The following SLC9C1 variants were observed in gnomAD, a reference collection of about 807,000 sequenced individuals.
SLC9C1 encodes solute carrier family 9 member C1, also known as sodium/hydrogen exchanger 10.
Under a neutral mutation model 140.9 loss-of-function variants are expected in SLC9C1, and 97 were observed. The observed-to-expected ratio is 0.69, with a 90% CI of 0.58 to 0.82. The LOEUF is 0.82. Ranked by LOEUF, SLC9C1 falls within the 40% of genes least tolerant of loss-of-function variation. The pLI is 0.00. For synonymous variants in SLC9C1, 440 were observed against 442.6 expected (o/e 0.99, Z 0.07); for missense variants, 1,340 against 1,389.3 (o/e 0.96, Z 0.56).
At chr3:112,276,632 A>T (rs1480973723) in intron 5 of SLC9C1, among the ~76,000 whole-genome samples, 3 of 152,080 alleles carry the variant, frequency 2.0e-5, no homozygotes, top group Non-Finnish European at 2.9e-5. Context: ...GCAGCAGGAT[A>T]GAAAATCAGT....
At chr3:112,262,474 G>A (rs1199818062) in intron 10 of SLC9C1, among the ~76,000 whole-genome samples, 1 of 151,830 alleles carries the variant, frequency 6.6e-6, no homozygotes, top group African/African-American at 2.4e-5. Flanking sequence ...CAGACACATG[G>A]TAGAAGGAGA....
chr3:112,206,745 AG>A (rs2078062125), intron 16 of SLC9C1, among the ~76,000 whole-genome samples: 1 of 151,888 alleles, frequency 6.6e-6, no homozygotes, highest in Admixed American at 6.6e-5. Flanking sequence ...TCACAAGGAC[AG>A]AAAACCAAAC....
At chr3:112,161,599 C>A (rs1215429127) in intron 26 of SLC9C1, among the ~76,000 whole-genome samples, 1 of 152,018 alleles carries the variant, frequency 6.6e-6, no homozygotes, top group Admixed American at 6.6e-5. Flanking sequence ...GGCGTTATTT[C>A]TGAGGGCTCT....
chr3:112,165,050 C>A (rs1404536110), intron 26 of SLC9C1, among the ~76,000 whole-genome samples: 1 of 152,240 alleles, frequency 6.6e-6, no homozygotes, highest in African/African-American at 2.4e-5. Flanking sequence ...ATCCTTTCTT[C>A]CAGTTGATCA....
chr3:112,213,216 T>C (rs574674012), intron 15 of SLC9C1, among the ~76,000 whole-genome samples: 6 of 151,968 alleles, frequency 3.9e-5, no homozygotes, highest in Admixed American at 2.0e-4. Flanking sequence ...GTACTAAACA[T>C]GGAAAGGAAC....
In SLC9C1 at chr3:112,199,461, C is replaced by CT; in HGVS notation, c.2382dup (p.Glu795ArgfsTer3). 2 of 1,560,958 alleles carry CT rather than the reference C, an allele frequency of 1.3e-6. No individual in the cohort carries two copies. The highest frequency in any genetic ancestry group is 1.7e-6 in the Non-Finnish European group (2 of 1,161,484). ...ACAGCAATTTCTGGGTGATCATACTCTAAGTAGCCTAAAAAATAACAAAAT... is the reference window on the plus strand; with the variant it reads ...ACAGCAATTTCTGGGTGATCATACTCTTAAGTAGCCTAAAAAATAACAAAAT... On this transcript the variant is annotated frameshift_variant, in exon 20 of 29. Coordinates refer to ENST00000305815, the MANE Select transcript of SLC9C1 (RefSeq NM_183061.3). LOFTEE classifies it high-confidence loss of function.
At chr3:112,160,936 T>C (rs2075278702) in intron 26 of SLC9C1, among the ~76,000 whole-genome samples, 1 of 152,110 alleles carries the variant, frequency 6.6e-6, no homozygotes. Flanking sequence ...CACCTGTTGT[T>C]TCCTGACTTT....
intron 12 of SLC9C1, 31 bp from the exon 13 acceptor site, chr3:112,231,517 A>C: frequency 6.4e-7 from 1 of 1,564,024 alleles, no homozygotes; most frequent in Non-Finnish European, 8.7e-7. Context: ...AGAACAAAAA[A>C]TACATGAATA....
chr3:112,270,780 C>A (rs940969243), intron 6 of SLC9C1, among the ~76,000 whole-genome samples: 3 of 152,172 alleles, frequency 2.0e-5, no homozygotes, highest in African/African-American at 7.2e-5. Flanking sequence ...CACACCACTG[C>A]ACTCCAGCCT....
At chr3:112,199,135 A>G (rs937404045) in intron 20 of SLC9C1, among the ~76,000 whole-genome samples, 186 bp downstream of exon 20, 1 of 151,592 alleles carries the variant, frequency 6.6e-6, no homozygotes, top group Non-Finnish European at 1.5e-5. Flanking sequence ...AAATAAAAAG[A>G]GAAGCTGACC....
chr3:112,151,242 C>T, intron 28 of SLC9C1: 2 of 467,282 alleles, frequency 4.3e-6, no homozygotes, highest in South Asian at 3.3e-5. Flanking sequence ...AAAGCATACA[C>T]ACACAAATAT....
chr3:112,168,723 G>C (rs990642217), intron 25 of SLC9C1, among the ~76,000 whole-genome samples, 154 bp downstream of exon 25: 5 of 152,180 alleles, frequency 3.3e-5, no homozygotes, highest in African/African-American at 1.2e-4. Context: ...TGTGGGTGTG[G>C]TTGTGGGTAT....
chr3:112,161,508 C>A (rs1047806333), intron 26 of SLC9C1, among the ~76,000 whole-genome samples: 1 of 152,198 alleles, frequency 6.6e-6, no homozygotes, highest in East Asian at 1.9e-4. Context: ...GTTTTCCCAG[C>A]ACCATTTATT....
intron 8 of SLC9C1, among the ~76,000 whole-genome samples, chr3:112,264,687 A>G (rs1019477802): frequency 2.6e-5 from 4 of 152,024 alleles, no homozygotes; most frequent in African/African-American, 4.8e-5. Flanking sequence ...CTTCTATGTT[A>G]AAGAGTTAAC....
Position 112,239,875 on chromosome 3 carries a change from T to C in SLC9C1, c.1411A>G (p.Ile471Val), listed in dbSNP as rs1560111424. The C allele has an allele frequency of 4.3e-6, 7 of 1,613,400 alleles. No homozygotes were observed. The highest frequency in any genetic ancestry group is 5.9e-6 in the Non-Finnish European group (7 of 1,179,876). Residue 471 changes from isoleucine to valine, a missense_variant, in exon 12 of 29, where the codon ATT (isoleucine) becomes GTT (valine). Physicochemically the swap from Ile to Val is conservative, Grantham distance 29 (BLOSUM62 3). Transcript: ENST00000305815. ...TTTTCAAGTGTAATTGCTTTCTCAA[T>C]CATGTTCCAATCAGCATTAGCAAGA... Reference protein sequence around the residue: ...KDLANADWNMIEKAITLENPY... With the variant: ...KDLANADWNMVEKAITLENPY...
chr3:112,144,324 C>T (rs572415714), intron 28 of SLC9C1, among the ~76,000 whole-genome samples: 1 of 151,816 alleles, frequency 6.6e-6, no homozygotes, highest in African/African-American at 2.4e-5. Flanking sequence ...ATTACAGGTA[C>T]CCACCATCAA....
At chr3:112,163,856 A>G (rs1041972677) in intron 26 of SLC9C1, among the ~76,000 whole-genome samples, 2 of 151,646 alleles carry the variant, frequency 1.3e-5, no homozygotes, top group Admixed American at 6.6e-5. Context: ...TGATCTGTCT[A>G]ATGTTGACAG....
intron 12 of SLC9C1, among the ~76,000 whole-genome samples, chr3:112,236,430 T>A (rs2078988576): frequency 6.6e-6 from 1 of 152,218 alleles, no homozygotes; most frequent in African/African-American, 2.4e-5. Flanking sequence ...GCTCCTGGAT[T>A]CATTGATTTT....
rs2079823454 is a variant in SLC9C1 at position 112,263,106 on chromosome 3, A to G, written c.1023-8T>C. 6.4e-7 allele frequency: 1 copy of G among 1,558,492 alleles called. No individual in the cohort carries two copies. Among genetic ancestry groups the G allele is most frequent in the Admixed American group, 2.1e-5 (1 of 47,140 alleles). ...AAAAGAAGGGTCAGAAATCTAAAAG[A>G]CAAAACAATTTTTACAAAGTTATTC... On this transcript the variant is annotated splice_polypyrimidine_tract_variant and splice_region_variant and intron_variant, in intron 9 of 28. Transcript: ENST00000305815.
Sources: allele counts gnomAD v4.1 joint callset (sites outside exome capture counted in the v4.1 genomes callset), GRCh38; gene constraint gnomAD v4.1.1; transcripts MANE v1.5; gene names NCBI Gene and HGNC (gene_info 2026-07-23, HGNC 2026-07-21).